The following SIPA1L1 variants were observed in gnomAD, a reference collection of about 807,000 sequenced individuals.
SIPA1L1 encodes the protein signal-induced proliferation-associated 1-like protein 1.
Under a neutral mutation model 162.7 loss-of-function variants are expected in SIPA1L1, and 26 were observed. That is an observed-to-expected ratio of 0.16 (90% CI 0.12 to 0.22). The LOEUF is 0.22. SIPA1L1 is among the 10% of genes least tolerant of loss of function. The pLI, the probability that SIPA1L1 is intolerant of heterozygous loss-of-function variation, is 1.00. For synonymous variants in SIPA1L1, 829 were observed against 837.4 expected, an observed-to-expected ratio of 0.99 and a Z score of 0.17; for missense variants, 1,874 against 2,241.0, an observed-to-expected ratio of 0.84 and a Z score of 3.31.
chr14:71,709,731 A>C (rs2150000625), intron 17 of SIPA1L1, 67 bp downstream of exon 17: 1 of 1,388,198 alleles, frequency 7.2e-7, no homozygotes, highest in Middle Eastern at 2.0e-4. Flanking sequence ...GCCTCAGCCC[A>C]CTTTACTTTG....
At chr14:71,512,605 G>T (rs1184979429) in intron 2 of SIPA1L1, 138 bp from the exon 3 acceptor site, 3 of 131,034 alleles carry the variant, frequency 2.3e-5, no homozygotes, top group Non-Finnish European at 3.1e-5. Context: ...AAAAAAAAAG[G>T]TTCTTTGCCA....
At chr14:71,543,942 T>C in intron 4 of SIPA1L1, among the ~76,000 whole-genome samples, 1 of 148,480 alleles carries the variant, frequency 6.7e-6, no homozygotes, top group Admixed American at 6.8e-5. Flanking sequence ...TGTGTGTATA[T>C]ATACATATAC....
chr14:71,383,567 A>G (rs1190889148), intron 2 of SIPA1L1, among the ~76,000 whole-genome samples: 3 of 152,218 alleles, frequency 2.0e-5, no homozygotes, highest in Non-Finnish European at 2.9e-5. Context: ...AAGGGGCTTA[A>G]TTAGCTCATG....
intron 2 of SIPA1L1, among the ~76,000 whole-genome samples, chr14:71,459,063 C>T (rs927055766): frequency 8.8e-5 from 13 of 148,402 alleles, no homozygotes; most frequent in African/African-American, 3.0e-4. Flanking sequence ...CAGAGAGAGG[C>T]TCTGTCTGAA....
At chr14:71,682,798 T>C (rs1370494353) in intron 12 of SIPA1L1, among the ~76,000 whole-genome samples, 1 of 152,248 alleles carries the variant, frequency 6.6e-6, no homozygotes, top group African/African-American at 2.4e-5. Context: ...TTGTGTCTGT[T>C]ACCATTATCA....
intron 10 of SIPA1L1, among the ~76,000 whole-genome samples, chr14:71,670,298 CCTTTT>C (rs1240282263): frequency 6.6e-6 from 1 of 152,048 alleles, no homozygotes; most frequent in Non-Finnish European, 1.5e-5. Context: ...TTCATATGAT[CCTTTT>C]CTTAGGCCCA....
At position 71,470,848 on chromosome 14, in the gene SIPA1L1, G is replaced by GT. The variant is rs930443162; in HGVS notation, c.-464-41888dup. ...GTTTTGTTTTATTTTGTTTTGTTTT[G>GT]TTTTTTTAAGATGGAATCTTGCTCT... On this transcript the variant is annotated intron_variant, in intron 2 of 23. Coordinates refer to ENST00000381232, the MANE Select transcript of SIPA1L1 (RefSeq NM_001386936.1). 3.3e-5 allele frequency among the ~76,000 whole-genome samples: 5 copies of GT among 151,556 alleles called. No homozygotes were observed. The South Asian group carries it at 6.3e-4, about 19-fold the overall frequency.
intron 2 of SIPA1L1, among the ~76,000 whole-genome samples, chr14:71,479,956 C>T (rs75421837): frequency 1.4e-4 from 21 of 152,216 alleles, no homozygotes; most frequent in African/African-American, 5.1e-4. Context: ...CCAGGATGAT[C>T]TTGAATTCCT....
At chr14:71,593,372 A>T (rs987049435) in intron 5 of SIPA1L1, among the ~76,000 whole-genome samples, 1 of 151,740 alleles carries the variant, frequency 6.6e-6, no homozygotes, top group African/African-American at 2.4e-5. Context: ...GCACTGTGCC[A>T]AGCTAATTTT....
chr14:71,498,211 A>C (rs2049940167), intron 2 of SIPA1L1, among the ~76,000 whole-genome samples: 1 of 152,222 alleles, frequency 6.6e-6, no homozygotes, highest in African/African-American at 2.4e-5. Flanking sequence ...GTACACTTAA[A>C]AATACAATCT....
intron 2 of SIPA1L1, among the ~76,000 whole-genome samples, chr14:71,396,971 GT>G (rs1037235060): frequency 6.6e-6 from 1 of 152,086 alleles, no homozygotes. Flanking sequence ...ATTTACTGAC[GT>G]TTTTTAAGGT....
intron 10 of SIPA1L1, among the ~76,000 whole-genome samples, chr14:71,665,987 A>G (rs918864079): frequency 6.6e-6 from 1 of 152,186 alleles, no homozygotes; most frequent in South Asian, 2.1e-4. Flanking sequence ...ATAAGGGGGA[A>G]CTATTGTGTG....
At chr14:71,563,309 G>GTTT (rs759381184) in intron 4 of SIPA1L1, among the ~76,000 whole-genome samples, 4 of 134,990 alleles carry the variant, frequency 3.0e-5, no homozygotes, top group Non-Finnish European at 6.5e-5. Flanking sequence ...GTACCTCCTC[G>GTTT]TTTTTTTTTT....
At chr14:71,719,802 CT>C (rs1247297914) in intron 17 of SIPA1L1, among the ~76,000 whole-genome samples, 1 of 152,118 alleles carries the variant, frequency 6.6e-6, no homozygotes, top group Non-Finnish European at 1.5e-5. Context: ...TATTGTGGGA[CT>C]TTTTAATATC....
chr14:71,704,838 T>G, intron 15 of SIPA1L1: 3 of 1,245,348 alleles, frequency 2.4e-6, no homozygotes, highest in Non-Finnish European at 3.5e-6. Flanking sequence ...TCCATGCCTG[T>G]CTAGGTAATG....
intron 2 of SIPA1L1, among the ~76,000 whole-genome samples, chr14:71,360,437 GT>G (rs1224609387): frequency 6.6e-6 from 1 of 152,170 alleles, no homozygotes; most frequent in East Asian, 1.9e-4. Flanking sequence ...CACACAGCTA[GT>G]TAACGGCAGA....
At chr14:71,544,007 G>GTA (rs1320566327) in intron 4 of SIPA1L1, among the ~76,000 whole-genome samples, 2 of 147,194 alleles carry the variant, frequency 1.4e-5, no homozygotes, top group Non-Finnish European at 3.0e-5. Flanking sequence ...ACACGCACAT[G>GTA]TATATATACA....
intron 4 of SIPA1L1, among the ~76,000 whole-genome samples, chr14:71,532,854 T>A (rs889248960): frequency 6.6e-6 from 1 of 152,230 alleles, no homozygotes; most frequent in Non-Finnish European, 1.5e-5. Context: ...CCATACTATT[T>A]TCCTTTGTGA....
chr14:71,614,985 A>G (rs2038668757), intron 5 of SIPA1L1, among the ~76,000 whole-genome samples: 2 of 152,142 alleles, frequency 1.3e-5, no homozygotes, highest in African/African-American at 4.8e-5. Context: ...TATATTAAAT[A>G]TTTGGTTTTA....
Sources: allele counts gnomAD v4.1 joint callset (sites outside exome capture counted in the v4.1 genomes callset), GRCh38; gene constraint gnomAD v4.1.1; transcripts MANE v1.5; gene names NCBI Gene and HGNC (gene_info 2026-07-23, HGNC 2026-07-21).